Variants in KLF12 observed in about 807,000 individuals in gnomAD.
KLF12 encodes KLF transcription factor 12, also known as Krueppel-like factor 12.
A neutral mutation model predicts 37.8 loss-of-function variants in KLF12; 9 were observed. The ratio of observed to expected loss-of-function variants is 0.24; its 90% CI spans 0.14 to 0.42. KLF12 has a LOEUF of 0.42. Among genes scored for constraint, KLF12 ranks in the 10% least tolerant of loss-of-function variants. The probability of loss-of-function intolerance (pLI) is 1.00; values close to 1 mark genes in which losing one functional copy is unlikely to be tolerated. For synonymous variants in KLF12, 208 were observed against 202.1 expected (o/e 1.03, Z -0.25); for missense variants, 411 against 516.0 (o/e 0.80, Z 1.97).
intron 6 of KLF12, among the ~76,000 whole-genome samples, chr13:73,730,374 C>T (rs1468167967): frequency 1.3e-5 from 2 of 152,128 alleles, no homozygotes; most frequent in Non-Finnish European, 2.9e-5. Flanking sequence ...ACCTTGGTGG[C>T]AGGTTATATC....
intron 1 of KLF12, among the ~76,000 whole-genome samples, chr13:74,037,590 C>A (rs528492866): frequency 1.3e-5 from 2 of 152,244 alleles, no homozygotes; most frequent in African/African-American, 4.8e-5. Context: ...TACTGTGGAT[C>A]CCAATTTTTA....
chr13:73,941,855 A>G (rs924984344), intron 3 of KLF12, among the ~76,000 whole-genome samples: 1 of 152,184 alleles, frequency 6.6e-6, no homozygotes, highest in Non-Finnish European at 1.5e-5. Context: ...AGGAAAAAAA[A>G]AAGTTCTATT....
intron 2 of KLF12, among the ~76,000 whole-genome samples, chr13:73,991,300 G>A (rs780107474): frequency 3.3e-5 from 5 of 152,144 alleles, no homozygotes; most frequent in Non-Finnish European, 4.4e-5. Flanking sequence ...ATTCCAAGGC[G>A]TGCTCAACAT....
At chr13:74,152,526 A>T in the KLF12 span, among the ~76,000 whole-genome samples, 6 of 152,108 alleles carry the variant, frequency 3.9e-5, no homozygotes, top group African/African-American at 1.4e-4. Flanking sequence ...GCTATTTTTA[A>T]ATGCTTGCTT....
intron 6 of KLF12, among the ~76,000 whole-genome samples, chr13:73,764,626 G>C (rs151332056): frequency 1.3e-5 from 2 of 151,936 alleles, no homozygotes; most frequent in Non-Finnish European, 2.9e-5. Flanking sequence ...GAAATATCTG[G>C]GTCTATGTAC....
At position 73,757,565 on chromosome 13, in the gene KLF12, G is replaced by A. The variant is rs180807328; in HGVS notation, c.869+7373C>T. ...GCTAGTTCACTGTCCATGTGTATAC[G>A]GAGAAATCTCTGTAGCTAGAAAGAT... On this transcript the variant is annotated intron_variant, in intron 6 of 7. Coordinates refer to ENST00000377669, the MANE Select transcript of KLF12 (RefSeq NM_007249.5). Among the ~76,000 whole-genome samples, 45 of 152,232 alleles carry A rather than the reference G, an allele frequency of 3.0e-4. No individual in the cohort carries two copies. The East Asian group carries it at 5.6e-3, about 19-fold the overall frequency.
chr13:74,108,779 G>A (rs1056338274), intron 1 of KLF12, among the ~76,000 whole-genome samples: 7 of 152,128 alleles, frequency 4.6e-5, no homozygotes, highest in African/African-American at 1.4e-4. Flanking sequence ...TCATCATAAA[G>A]ATCTTCATCT....
the KLF12 span, among the ~76,000 whole-genome samples, chr13:74,256,532 G>C: frequency 6.6e-6 from 1 of 152,144 alleles, no homozygotes; most frequent in Non-Finnish European, 1.5e-5. Flanking sequence ...CCATCAATAG[G>C]TAAGTTACAG....
At chr13:73,739,751 C>T (rs536334685) in intron 6 of KLF12, among the ~76,000 whole-genome samples, 59 of 152,304 alleles carry the variant, frequency 3.9e-4, no homozygotes, top group African/African-American at 1.4e-3. Flanking sequence ...ATCGTTCTTG[C>T]ATTTACATAG....
chr13:73,759,841 A>G (rs1879431776), intron 6 of KLF12, among the ~76,000 whole-genome samples: 2 of 152,196 alleles, frequency 1.3e-5, no homozygotes, highest in Admixed American at 6.5e-5. Flanking sequence ...AGACTGTTCT[A>G]CATTAGATTT....
At chr13:74,172,208 A>G in the KLF12 span, among the ~76,000 whole-genome samples, 24 of 151,346 alleles carry the variant, frequency 1.6e-4, no homozygotes, top group South Asian at 4.8e-3. Context: ...GTCTTCATCT[A>G]CAAAAGATAG....
At chr13:73,963,278 C>A (rs1181680841) in intron 2 of KLF12, among the ~76,000 whole-genome samples, 1 of 106,636 alleles carries the variant, frequency 9.4e-6, no homozygotes, top group African/African-American at 3.4e-5. Context: ...ATAAGAGAGT[C>A]ATTTATACAC....
At chr13:74,141,172 A>G in the KLF12 span, among the ~76,000 whole-genome samples, 2 of 152,206 alleles carry the variant, frequency 1.3e-5, no homozygotes, top group Non-Finnish European at 2.9e-5. Context: ...AGACATTACA[A>G]ATTCAGACTC....
chr13:74,143,233 C>T, the KLF12 span, among the ~76,000 whole-genome samples: 2 of 131,340 alleles, frequency 1.5e-5, 1 homozygote, highest in South Asian at 5.1e-4. Context: ...AAGACAGAGA[C>T]AAATTGTGGA....
At chr13:73,911,393 CA>C in intron 3 of KLF12, among the ~76,000 whole-genome samples, 1 of 152,044 alleles carries the variant, frequency 6.6e-6, no homozygotes, top group Non-Finnish European at 1.5e-5. Context: ...TTCAGAAAAT[CA>C]ATATAAAATG....
the KLF12 span, among the ~76,000 whole-genome samples, chr13:74,224,312 A>G: frequency 1.3e-5 from 2 of 152,326 alleles, no homozygotes; most frequent in East Asian, 3.9e-4. Context: ...TGGGATTAAT[A>G]CAAACATGTT....
In KLF12 at chr13:73,966,418, C is replaced by T. The variant is rs549221806; in HGVS notation, c.34-22348G>A. On this transcript the variant is annotated intron_variant, in intron 2 of 7. Coordinates refer to ENST00000377669, the MANE Select transcript of KLF12 (RefSeq NM_007249.5). ...AAGTAAAAGTTTAGAGAAAAAAATG[C>T]CAAATAAAAAGTATCTGAAAGAGGA... Among the ~76,000 whole-genome samples the T allele has an allele frequency of 3.3e-5, 5 of 151,954 alleles. No individual in the cohort carries two copies. In the East Asian group the frequency reaches 7.7e-4, roughly 23 times the overall value.
Position 74,020,349 on chromosome 13 carries a change from T to C in KLF12, c.-31-25296A>G, listed in dbSNP as rs567180790. Among the ~76,000 whole-genome samples the C allele has an allele frequency of 4.6e-4, 70 of 152,256 alleles. 2 individuals are homozygous for C. The highest frequency in any genetic ancestry group is 1.6e-3 in the African/African-American group (68 of 41,540). On this transcript the variant is annotated intron_variant, in intron 1 of 7. Transcript: ENST00000377669. ...GAAAGAAAACGGGTACCCTAATCAC[T>C]ACAGGGCAAACCCTACAAAGATGGC...
At chr13:74,104,394 T>C (rs1876535787) in intron 1 of KLF12, among the ~76,000 whole-genome samples, 1 of 152,214 alleles carries the variant, frequency 6.6e-6, no homozygotes, top group Non-Finnish European at 1.5e-5. Context: ...AAAACTTAAC[T>C]TGCATGTTCT....
Sources: allele counts gnomAD v4.1 joint callset (sites outside exome capture counted in the v4.1 genomes callset), GRCh38; gene constraint gnomAD v4.1.1; transcripts MANE v1.5; gene names NCBI Gene and HGNC (gene_info 2026-07-23, HGNC 2026-07-21).